The following PHACTR3 variants were observed in gnomAD, a reference collection of about 807,000 sequenced individuals.
PHACTR3 encodes protein phosphatase 1, regulatory subunit 123.
In PHACTR3, 16 loss-of-function variants were observed where a neutral mutation model predicts 66.8. That is an observed-to-expected ratio of 0.24 (90% CI 0.16 to 0.36). PHACTR3 has a LOEUF of 0.36. Among genes scored for constraint, PHACTR3 ranks in the 10% least tolerant of loss-of-function variants. The probability of loss-of-function intolerance (pLI) is 1.00; values close to 1 mark genes in which losing one functional copy is unlikely to be tolerated. For synonymous variants in PHACTR3, 323 were observed against 292.1 expected (o/e 1.11, Z -1.08); for missense variants, 647 against 719.9 (o/e 0.90, Z 1.16).
intron 1 of PHACTR3, among the ~76,000 whole-genome samples, chr20:59,613,334 C>T (rs1459883893): frequency 6.6e-6 from 1 of 152,166 alleles, no homozygotes; most frequent in Non-Finnish European, 1.5e-5. Context: ...CTGGTTGCAA[C>T]ATGGTTGCTT....
chr20:59,775,699 G>C (rs1308665919), intron 7 of PHACTR3, among the ~76,000 whole-genome samples: 4 of 152,156 alleles, frequency 2.6e-5, no homozygotes, highest in Non-Finnish European at 4.4e-5. Context: ...CAACCTCTCT[G>C]AAGAGGCTGG....
At chr20:59,743,016 C>T (rs1447955625) in intron 1 of PHACTR3, 91 bp from the exon 2 acceptor site, 4 of 1,413,018 alleles carry the variant, frequency 2.8e-6, no homozygotes, top group Admixed American at 2.1e-5. Context: ...TCACTGGTGA[C>T]CCCTTAGGGT....
chr20:59,648,575 A>G (rs1198662885), intron 1 of PHACTR3, among the ~76,000 whole-genome samples: 1 of 152,222 alleles, frequency 6.6e-6, no homozygotes, highest in Non-Finnish European at 1.5e-5. Flanking sequence ...CCCAGAGGCC[A>G]GGGATGGAGG....
intron 8 of PHACTR3, among the ~76,000 whole-genome samples, chr20:59,819,055 A>G (rs531869385): frequency 6.6e-6 from 1 of 152,286 alleles, no homozygotes; most frequent in South Asian, 2.1e-4. Context: ...CCACATCTAA[A>G]GCAGGTTCCG....
chr20:59,761,364 G>A (rs75286137), intron 4 of PHACTR3, among the ~76,000 whole-genome samples: 6,142 of 152,206 alleles, frequency 0.04, 384 homozygotes, highest in African/African-American at 0.14. Flanking sequence ...TCATCTGGGA[G>A]TTGGTGAGCC....
At chr20:59,590,609 C>T (rs1392125854) in intron 1 of PHACTR3, among the ~76,000 whole-genome samples, 1 of 152,202 alleles carries the variant, frequency 6.6e-6, no homozygotes, top group Admixed American at 6.5e-5. Context: ...CGCCAGCCCT[C>T]CTGCTCCCTG....
intron 1 of PHACTR3, among the ~76,000 whole-genome samples, chr20:59,659,390 T>TTC (rs1435070277): frequency 6.7e-6 from 1 of 149,082 alleles, no homozygotes; most frequent in Non-Finnish European, 1.5e-5. Flanking sequence ...TTTTTTTTTT[T>TTC]TTTGAGACAG....
At chr20:59,797,370 T>G (rs1052451000) in intron 7 of PHACTR3, among the ~76,000 whole-genome samples, 16 of 148,340 alleles carry the variant, frequency 1.1e-4, no homozygotes, top group Admixed American at 4.7e-4. Context: ...ATTATTGTGG[T>G]TTTTTTTTTG....
chr20:59,837,509 T>C (rs1347527488), intron 9 of PHACTR3, among the ~76,000 whole-genome samples: 3 of 152,314 alleles, frequency 2.0e-5, no homozygotes, highest in South Asian at 2.1e-4. Context: ...CCCTCCTTTA[T>C]AGATTGTTGA....
At chr20:59,765,259 G>A (rs1176531224) in intron 4 of PHACTR3, among the ~76,000 whole-genome samples, 2 of 152,204 alleles carry the variant, frequency 1.3e-5, no homozygotes, top group Non-Finnish European at 2.9e-5. Flanking sequence ...AAGCATAGGA[G>A]TCTTAAACCC....
At chr20:59,718,875 G>A (rs2038190172) in intron 1 of PHACTR3, among the ~76,000 whole-genome samples, 1 of 152,208 alleles carries the variant, frequency 6.6e-6, no homozygotes, top group African/African-American at 2.4e-5. Flanking sequence ...GAATGGTTGC[G>A]TCGTTTTGCT....
At chr20:59,728,594 C>G (rs2038648448) in intron 1 of PHACTR3, among the ~76,000 whole-genome samples, 1 of 151,780 alleles carries the variant, frequency 6.6e-6, no homozygotes, top group Non-Finnish European at 1.5e-5. Context: ...TTATAGCTTT[C>G]TTAACTCCTA....
rs967998425 is a variant in PHACTR3 at position 59,820,709 on chromosome 20, T to C, written c.1328+14515T>C. ...GCTCCAGGGAGGGTCAGCTGCTGTT[T>C]GTTTTCCTTGGTTGCTTGGGAATCT... On this transcript the variant is annotated intron_variant, in intron 8 of 12. Transcript: ENST00000371015. This position sits in a 1 kb window ranked among gnomAD's most constrained non-coding sequence, Gnocchi z 4.6. 6.6e-6 allele frequency among the ~76,000 whole-genome samples: 1 copy of C among 152,220 alleles called. No individual in the cohort carries two copies. Among genetic ancestry groups the C allele is most frequent in the African/African-American group, 2.4e-5 (1 of 41,454 alleles).
At position 59,802,770 on chromosome 20, in the gene PHACTR3, G is replaced by A. The variant is rs546522010; in HGVS notation, c.1175-3271G>A. 8.5e-5 allele frequency among the ~76,000 whole-genome samples: 13 copies of A among 152,236 alleles called. No homozygotes were observed. The East Asian group carries it at 1.2e-3, about 14-fold the overall frequency. ...CAGTTGTGATTGGAACGATGCCCCC[G>A]CCCACCACATTTGCTGGAGTTGGAC... On this transcript the variant is annotated intron_variant, in intron 7 of 12. Transcript: ENST00000371015.
At chr20:59,590,091 G>A (rs1169309066) in intron 1 of PHACTR3, among the ~76,000 whole-genome samples, 2 of 152,206 alleles carry the variant, frequency 1.3e-5, no homozygotes, top group Non-Finnish European at 2.9e-5. Flanking sequence ...ACTGGTGAGT[G>A]TGTGCACTCA....
At chr20:59,706,646 T>C (rs2037713516) in intron 1 of PHACTR3, among the ~76,000 whole-genome samples, 1 of 152,230 alleles carries the variant, frequency 6.6e-6, no homozygotes, top group African/African-American at 2.4e-5. Context: ...CAAGAGCTGG[T>C]AATTGGGGAA....
intron 7 of PHACTR3, among the ~76,000 whole-genome samples, chr20:59,779,172 G>A (rs976229151): frequency 2.0e-5 from 3 of 152,196 alleles, no homozygotes; most frequent in Admixed American, 6.5e-5. Flanking sequence ...AGGCTTCTGT[G>A]TGCTGGTCCC....
In PHACTR3 at chr20:59,651,827, TGGTAGGTAGGTAGGTAGGTA is replaced by T. The variant is rs3042679; in HGVS notation, c.118+46729_118+46748del. 4.1e-3 allele frequency among the ~76,000 whole-genome samples: 612 copies of T among 147,814 alleles called. 3 individuals carry two copies. Among genetic ancestry groups the T allele is most frequent in the Middle Eastern group, 0.01 (3 of 290 alleles). ...AGAAACCCAACCAACAGGATCTTTT[TGGTAGGTAGGTAGGTAGGTA>T]GGTAGGTAGGTAGGTAGGTAGGTAG... On this transcript the variant is annotated intron_variant, in intron 1 of 12. Transcript: ENST00000371015.
chr20:59,699,193 C>T (rs1026812534), intron 1 of PHACTR3, among the ~76,000 whole-genome samples: 1 of 152,142 alleles, frequency 6.6e-6, no homozygotes, highest in African/African-American at 2.4e-5. Context: ...GCTTTGAAAC[C>T]CCAGGAGTTG....
Sources: allele counts gnomAD v4.1 joint callset (sites outside exome capture counted in the v4.1 genomes callset), GRCh38; gene constraint gnomAD v4.1.1; non-coding constraint Gnocchi (gnomAD v3.1); transcripts MANE v1.5; gene names NCBI Gene and HGNC (gene_info 2026-07-23, HGNC 2026-07-21).